Variants in EMP2 observed in about 807,000 individuals in gnomAD.
EMP2 encodes epithelial membrane protein 2.
EMP2 carries 19 observed loss-of-function variants against 13.7 expected under a neutral mutation model. The ratio of observed to expected loss-of-function variants is 1.38; its 90% CI spans 0.97 to 2.03. EMP2 has a LOEUF of 2.03. EMP2 is among the 30% of genes most tolerant of loss of function. The pLI is 0.00. For synonymous variants in EMP2, 97 were observed against 84.7 expected (o/e 1.15, Z -0.80); for missense variants, 253 against 220.7 (o/e 1.15, Z -0.93).
rs58665715 is a variant in EMP2, at chr16:10,571,255, C to CAA, written c.-61+9292_-61+9293dup. On this transcript the variant is annotated intron_variant, in intron 1 of 4. Coordinates refer to ENST00000359543, the MANE Select transcript of EMP2 (RefSeq NM_001424.6). ...CTGGTGACAGAGCAAGACTCCGTCT[C>CAA]AAAAAAAAAAAAAAAAAAAAAAAAA... Among the ~76,000 whole-genome samples the CAA allele has an allele frequency of 8.1e-4, 27 of 33,404 alleles. 2 individuals carry two copies. The highest frequency in any genetic ancestry group is 1.2e-3 in the African/African-American group (13 of 11,286). 21.9% of individuals were successfully genotyped at this position (33,404 alleles called of 152,430 possible). A position where few individuals can be genotyped will look rare whatever the true frequency, so the allele number is the denominator to read the frequency against.
chr16:10,559,512 C>G (rs566071398), intron 1 of EMP2, among the ~76,000 whole-genome samples: 1 of 152,228 alleles, frequency 6.6e-6, no homozygotes, highest in Non-Finnish European at 1.5e-5. Flanking sequence ...CTGTGCAGCC[C>G]TGGGTCTTCC....
intron 1 of EMP2, among the ~76,000 whole-genome samples, chr16:10,577,178 G>T (rs56092102): frequency 0.086 from 13,149 of 152,226 alleles, 622 homozygotes; most frequent in South Asian, 0.17. Flanking sequence ...CTAGCTGTCA[G>T]TGTCATACTG....
Position 10,556,307 on chromosome 16 carries a change from T to C in EMP2, c.-60-8630A>G, listed in dbSNP as rs149640088. Among the ~76,000 whole-genome samples the C allele has an allele frequency of 6.7e-3, 1,022 of 152,266 alleles. 15 individuals carry two copies. Among genetic ancestry groups the C allele is most frequent in the African/African-American group, 0.023 (960 of 41,528 alleles). On this transcript the variant is annotated intron_variant, in intron 1 of 4. Transcript: ENST00000359543. ...TTTTTTTTAAAATCATTTCAAGTCT[T>C]CTGTTGCAGAACCCCAAACGCAACA...
At chr16:10,552,986 C>T (rs2354418) in intron 1 of EMP2, among the ~76,000 whole-genome samples, 83,343 of 152,052 alleles carry the variant, frequency 0.55, 24,347 homozygotes, top group African/African-American at 0.77. Context: ...CTCCGAAAAA[C>T]AACAGAGAAG....
At chr16:10,543,693 C>T (rs763820412) in intron 2 of EMP2, 33 bp from the exon 3 acceptor site, 26 of 1,605,990 alleles carry the variant, frequency 1.6e-5, no homozygotes, top group Admixed American at 1.0e-4. Context: ...AGAGAAAGGC[C>T]GTCCGTTCAT....
At chr16:10,555,854 TG>T (rs1451726657) in intron 1 of EMP2, among the ~76,000 whole-genome samples, 1 of 152,230 alleles carries the variant, frequency 6.6e-6, no homozygotes, top group Non-Finnish European at 1.5e-5. Context: ...CCCAAAGTGC[TG>T]GGATTATAGG....
At chr16:10,563,535 G>A (rs567302066) in intron 1 of EMP2, among the ~76,000 whole-genome samples, 7 of 152,276 alleles carry the variant, frequency 4.6e-5, no homozygotes, top group Middle Eastern at 3.4e-3. Context: ...CATTTTTATA[G>A]ATGGATCTTT....
At chr16:10,572,040 A>G (rs2050951977) in intron 1 of EMP2, among the ~76,000 whole-genome samples, 1 of 152,234 alleles carries the variant, frequency 6.6e-6, no homozygotes, top group Admixed American at 6.5e-5. Flanking sequence ...CATTTTACTC[A>G]AAACATCATA....
Position 10,530,933 on chromosome 16 carries a change from C to T in EMP2, c.*1972G>A, listed in dbSNP as rs766464178. The T allele has an allele frequency of 5.3e-5, 8 of 152,178 alleles. No individual in the cohort carries two copies. The highest frequency in any genetic ancestry group is 3.3e-4 in the Admixed American group (5 of 15,274). The allele number at this position is 152,178 out of a possible 1,614,324, so 9.4% of individuals were successfully genotyped here. ...CTCCAGGAGCATTTAATAATAGGCA[C>T]GCGTAAAGCAGCCTCCCTACCATGC... is the stretch of plus-strand genomic sequence containing the variant. On this transcript the variant is annotated 3_prime_UTR_variant, in exon 5 of 5. Coordinates refer to ENST00000359543, the MANE Select transcript of EMP2 (RefSeq NM_001424.6).
chr16:10,546,830 A>C (rs1381575807), intron 2 of EMP2: 1 of 152,248 alleles, frequency 6.6e-6, no homozygotes, highest in Non-Finnish European at 1.5e-5. Context: ...CCAAAATGAC[A>C]ATAGTGGCAA....
intron 3 of EMP2, among the ~76,000 whole-genome samples, chr16:10,539,358 T>C (rs577169345): frequency 2.6e-5 from 4 of 152,346 alleles, no homozygotes; most frequent in Admixed American, 2.6e-4. Flanking sequence ...TTTAATCCAT[T>C]CTGGCTACAG....
At chr16:10,565,563 T>G (rs959353552) in intron 1 of EMP2, among the ~76,000 whole-genome samples, 2 of 152,120 alleles carry the variant, frequency 1.3e-5, no homozygotes, top group Non-Finnish European at 2.9e-5. Flanking sequence ...AAACTCTCTC[T>G]CTAAATATAT....
At chr16:10,562,386 A>ATCTATCTC (rs2050878933) in intron 1 of EMP2, among the ~76,000 whole-genome samples, 1 of 107,982 alleles carries the variant, frequency 9.3e-6, no homozygotes, top group Non-Finnish European at 2.1e-5. Flanking sequence ...CTCTCTATCT[A>ATCTATCTC]TCTCTCTCTC....
intron 1 of EMP2, among the ~76,000 whole-genome samples, chr16:10,567,786 G>GT (rs2050918252): frequency 6.6e-6 from 1 of 152,180 alleles, no homozygotes; most frequent in Non-Finnish European, 1.5e-5. Context: ...GGTTGTACAT[G>GT]GACTCCCGCT....
In EMP2 at chr16:10,532,758, C is replaced by CTTTTTCTTTTTTTTTTTTTTTTTTTT. The variant is rs1567199104; in HGVS notation, c.*146_*147insAAAAAAAAAAAAAAAAAAAAGAAAAA. The CTTTTTCTTTTTTTTTTTTTTTTTTTT allele has an allele frequency of 2.7e-5, 5 of 182,524 alleles. No individual in the cohort carries two copies. Among genetic ancestry groups the CTTTTTCTTTTTTTTTTTTTTTTTTTT allele is most frequent in the African/African-American group, 4.2e-5 (1 of 23,706 alleles). 11.3% of individuals were successfully genotyped at this position (182,524 alleles called of 1,614,324 possible). On this transcript the variant is annotated 3_prime_UTR_variant, in exon 5 of 5. Coordinates refer to ENST00000359543, the MANE Select transcript of EMP2 (RefSeq NM_001424.6). The stretch of plus-strand genomic sequence containing the variant: ...CTTTTGGATTTTTTTTTTCTTTTTT[C>CTTTTTCTTTTTTTTTTTTTTTTTTTT]TTTTTTTTTTTTTTTTTTTTTTTTT...
intron 1 of EMP2, among the ~76,000 whole-genome samples, chr16:10,550,950 G>A (rs6498083): frequency 0.074 from 11,079 of 149,694 alleles, 1,360 homozygotes; most frequent in African/African-American, 0.26. Context: ...ACTCCAGCCT[G>A]GGTGACAGAG....
intron 4 of EMP2, among the ~76,000 whole-genome samples, chr16:10,536,378 C>A (rs1441394026): frequency 6.6e-6 from 1 of 152,154 alleles, no homozygotes. Flanking sequence ...ATAATCCCCA[C>A]ATGTCAAGGA....
chr16:10,548,894 G>C (rs2050760564), intron 1 of EMP2, among the ~76,000 whole-genome samples: 1 of 152,082 alleles, frequency 6.6e-6, no homozygotes, highest in Non-Finnish European at 1.5e-5. Flanking sequence ...AGCTAGATGG[G>C]GAACTCATTA....
intron 1 of EMP2, among the ~76,000 whole-genome samples, chr16:10,567,340 C>A (rs769645715): frequency 2.0e-4 from 30 of 152,208 alleles, no homozygotes; most frequent in Non-Finnish European, 1.2e-4. Flanking sequence ...AAGCCTCAAG[C>A]CTTGAGATGA....
Sources: allele counts gnomAD v4.1 joint callset (sites outside exome capture counted in the v4.1 genomes callset), GRCh38; gene constraint gnomAD v4.1.1; transcripts MANE v1.5; gene names NCBI Gene and HGNC (gene_info 2026-07-23, HGNC 2026-07-21).